The following PHACTR1 variants were observed in gnomAD, a reference collection of about 807,000 sequenced individuals.
PHACTR1 encodes RPEL repeat containing 1.
A neutral mutation model predicts 69.2 loss-of-function variants in PHACTR1; 16 were observed. The ratio of observed to expected loss-of-function variants is 0.23; its 90% CI spans 0.16 to 0.35. PHACTR1 has a LOEUF of 0.35. Ranked by LOEUF, PHACTR1 falls within the 10% of genes least tolerant of loss-of-function variation. PHACTR1 has a pLI of 1.00. For synonymous variants in PHACTR1, 312 were observed against 284.5 expected (o/e 1.10, Z -0.97); for missense variants, 510 against 734.7 (o/e 0.69, Z 3.54).
At chr6:12,821,022 G>T (rs528314804) in intron 4 of PHACTR1, among the ~76,000 whole-genome samples, 2 of 152,236 alleles carry the variant, frequency 1.3e-5, no homozygotes, top group African/African-American at 4.8e-5. Flanking sequence ...GAAAAACCTG[G>T]TATAGAGATC....
At chr6:13,003,534 T>C (rs1056852431) in intron 4 of PHACTR1, among the ~76,000 whole-genome samples, 3 of 152,184 alleles carry the variant, frequency 2.0e-5, no homozygotes, top group African/African-American at 7.2e-5. Flanking sequence ...CCAGGAATTT[T>C]TTTTTCTAGA....
At chr6:12,829,976 G>A (rs1777248946) in intron 4 of PHACTR1, among the ~76,000 whole-genome samples, 2 of 143,948 alleles carry the variant, frequency 1.4e-5, no homozygotes, top group African/African-American at 5.3e-5. Flanking sequence ...GAGAGAGAGA[G>A]AGAGAGAGAG....
At position 12,717,706 on chromosome 6, in the gene PHACTR1, T is replaced by C. The variant is rs1346550206; in HGVS notation, c.-84T>C. The C allele has an allele frequency of 2.0e-5, 3 of 152,380 alleles. No individual in the cohort carries two copies. The highest frequency in any genetic ancestry group is 1.3e-4 in the Admixed American group (2 of 15,296). The allele number at this position is 152,380 out of a possible 1,614,324, so 9.4% of individuals were successfully genotyped here. A position where few individuals can be genotyped will look rare whatever the true frequency, so the allele number is the denominator to read the frequency against. On this transcript the variant is annotated 5_prime_UTR_variant, in exon 2 of 15. Coordinates refer to ENST00000332995, the MANE Select transcript of PHACTR1 (RefSeq NM_030948.6). ...ACTCTGGCTGGAACGGCTCTTGTTT[T>C]ACCGCTGACAGATAGCCTTTGATTT... is the stretch of plus-strand genomic sequence containing the variant.
intron 4 of PHACTR1, among the ~76,000 whole-genome samples, chr6:12,849,565 G>A (rs1018574612): frequency 2.6e-5 from 4 of 152,176 alleles, no homozygotes; most frequent in African/African-American, 9.7e-5. Flanking sequence ...GGCTGGCACA[G>A]AGTCCATATG....
At chr6:13,242,264 TCA>T (rs1205052585) in intron 10 of PHACTR1, among the ~76,000 whole-genome samples, 1 of 152,128 alleles carries the variant, frequency 6.6e-6, no homozygotes, top group Non-Finnish European at 1.5e-5. Flanking sequence ...TCACTTCTGC[TCA>T]CAGTCCATTC....
intron 4 of PHACTR1, among the ~76,000 whole-genome samples, chr6:12,988,188 A>G (rs1796416436): frequency 6.6e-6 from 1 of 152,250 alleles, no homozygotes; most frequent in African/African-American, 2.4e-5. Flanking sequence ...ATTGGCAGGT[A>G]AAAGACATAG....
chr6:13,186,924 T>C (rs1762888694), intron 7 of PHACTR1, among the ~76,000 whole-genome samples: 1 of 152,206 alleles, frequency 6.6e-6, no homozygotes, highest in African/African-American at 2.4e-5. Context: ...GAGCTTGTTT[T>C]CCTGCAACTA....
chr6:12,994,820 G>A (rs1308753792), intron 4 of PHACTR1, among the ~76,000 whole-genome samples: 4 of 152,150 alleles, frequency 2.6e-5, no homozygotes, highest in Admixed American at 6.5e-5. Flanking sequence ...GTCTGGGGAA[G>A]TGAGGAACAG....
At chr6:12,726,981 C>G (rs1212438474) in intron 3 of PHACTR1, among the ~76,000 whole-genome samples, 1 of 152,116 alleles carries the variant, frequency 6.6e-6, no homozygotes, top group Non-Finnish European at 1.5e-5. Context: ...TGTTTCCAGT[C>G]TTGGTGCTTG....
chr6:13,219,417 G>GC (rs1385839130), intron 8 of PHACTR1, among the ~76,000 whole-genome samples: 12 of 152,166 alleles, frequency 7.9e-5, no homozygotes, highest in Non-Finnish European at 1.5e-5. Flanking sequence ...GAACCATCAT[G>GC]CAGGGTCATG....
chr6:12,945,409 C>T (rs1329546473), intron 4 of PHACTR1, among the ~76,000 whole-genome samples: 1 of 152,234 alleles, frequency 6.6e-6, no homozygotes, highest in Non-Finnish European at 1.5e-5. Context: ...GTTCATCTTG[C>T]TGTCGAGAAT....
At chr6:13,243,601 A>G (rs1439443291) in intron 10 of PHACTR1, among the ~76,000 whole-genome samples, 3 of 151,508 alleles carry the variant, frequency 2.0e-5, no homozygotes, top group Non-Finnish European at 4.4e-5. Flanking sequence ...GAAAAAAAAA[A>G]CCTTAGGTTC....
At chr6:12,939,170 C>T (rs1363539302) in intron 4 of PHACTR1, among the ~76,000 whole-genome samples, 1 of 152,052 alleles carries the variant, frequency 6.6e-6, no homozygotes, top group East Asian at 1.9e-4. Flanking sequence ...AGATGCTGTC[C>T]CCTAGTCTAA....
intron 4 of PHACTR1, among the ~76,000 whole-genome samples, chr6:12,915,506 CAAAA>C (rs1225757251): frequency 2.0e-5 from 1 of 50,238 alleles, no homozygotes; most frequent in Non-Finnish European, 4.1e-5. Context: ...AACTCTCTCT[CAAAA>C]AAAAAAAAAA....
At chr6:13,087,387 G>C (rs1812488901) in intron 5 of PHACTR1, among the ~76,000 whole-genome samples, 1 of 151,260 alleles carries the variant, frequency 6.6e-6, no homozygotes, top group Non-Finnish European at 1.5e-5. Context: ...TGATACCAAA[G>C]CACATAGTAT....
intron 4 of PHACTR1, among the ~76,000 whole-genome samples, chr6:12,816,884 A>G (rs889576047): frequency 2.6e-5 from 4 of 152,182 alleles, no homozygotes; most frequent in African/African-American, 9.7e-5. Flanking sequence ...TGCTGTGAGC[A>G]TCCACACGGG....
chr6:13,047,377 C>CAAA (rs35293642), intron 4 of PHACTR1, among the ~76,000 whole-genome samples: 1,342 of 54,688 alleles, frequency 0.025, 60 homozygotes, highest in African/African-American at 0.067. Flanking sequence ...AACCCTGTCT[C>CAAA]AAAAAAAAAA....
chr6:12,899,234 C>G (rs1449137326), intron 4 of PHACTR1, among the ~76,000 whole-genome samples: 1 of 152,208 alleles, frequency 6.6e-6, no homozygotes, highest in Non-Finnish European at 1.5e-5. Context: ...ACACCTATCA[C>G]ATGCCTGACA....
At chr6:13,112,486 T>G (rs1817199459) in intron 5 of PHACTR1, among the ~76,000 whole-genome samples, 1 of 152,238 alleles carries the variant, frequency 6.6e-6, no homozygotes. Context: ...TTAAATAATT[T>G]ACATTCCCAC....
Sources: allele counts gnomAD v4.1 joint callset (sites outside exome capture counted in the v4.1 genomes callset), GRCh38; gene constraint gnomAD v4.1.1; transcripts MANE v1.5; gene names NCBI Gene and HGNC (gene_info 2026-07-23, HGNC 2026-07-21).